The following NRXN3 variants were observed in gnomAD, a reference collection of about 807,000 sequenced individuals.
NRXN3 encodes neurexin 3.
In NRXN3, 32 loss-of-function variants were observed where a neutral mutation model predicts 137.6. The ratio of observed to expected loss-of-function variants is 0.23; its 90% CI spans 0.18 to 0.31. The LOEUF (loss-of-function observed/expected upper bound fraction) is 0.31, where lower values mean the gene tolerates loss of function less well. Among genes scored for constraint, NRXN3 ranks in the 10% least tolerant of loss-of-function variants. The probability of loss-of-function intolerance (pLI) is 1.00; values close to 1 mark genes in which losing one functional copy is unlikely to be tolerated. For synonymous variants in NRXN3, 798 were observed against 784.5 expected (o/e 1.02, Z -0.29); for missense variants, 1,574 against 2,062.5 (o/e 0.76, Z 4.59).
chr14:78,692,479 T>C (rs1259040852), intron 6 of NRXN3, among the ~76,000 whole-genome samples: 1 of 152,206 alleles, frequency 6.6e-6, no homozygotes, highest in Non-Finnish European at 1.5e-5. Context: ...TTTGCAATTA[T>C]AGGATTCCCT....
Position 79,143,520 on chromosome 14 carries a change from T to TC in NRXN3, c.3262+155380dup, listed in dbSNP as rs144371300. ...AGGCTAAGGTTCTGACATGGTACCT[T>TC]CTTAAATCAAGCTTGAAGGGAAATT... On this transcript the variant is annotated intron_variant, in intron 15 of 20. Coordinates refer to ENST00000335750, the MANE Select transcript of NRXN3 (RefSeq NM_001330195.2). Among the ~76,000 whole-genome samples, 50 of 152,360 alleles carry TC rather than the reference T, an allele frequency of 3.3e-4. No individual in the cohort carries two copies. The East Asian group carries it at 5.4e-3, about 16-fold the overall frequency.
At chr14:78,217,701 G>A (rs938599144) in intron 1 of NRXN3, among the ~76,000 whole-genome samples, 18 of 152,212 alleles carry the variant, frequency 1.2e-4, no homozygotes, top group South Asian at 6.2e-4. Context: ...TTGCTCTGTC[G>A]CCTGGGCTGG....
At chr14:78,788,435 G>T (rs1484082523) in intron 8 of NRXN3, among the ~76,000 whole-genome samples, 4 of 152,080 alleles carry the variant, frequency 2.6e-5, no homozygotes, top group African/African-American at 4.8e-5. Context: ...TATGTGGATT[G>T]CCCTGACAGC....
intron 16 of NRXN3, among the ~76,000 whole-genome samples, chr14:79,598,920 C>A (rs2097892188): frequency 6.6e-6 from 1 of 152,202 alleles, no homozygotes; most frequent in African/African-American, 2.4e-5. Flanking sequence ...GGATGGGAAG[C>A]AGTGCAGACT....
intron 8 of NRXN3, among the ~76,000 whole-genome samples, chr14:78,778,689 T>TCTTTCTTTC (rs1308672559): frequency 1.5e-5 from 2 of 135,292 alleles, no homozygotes. Flanking sequence ...TTTCTTTCTT[T>TCTTTCTTTC]CTTTCTTTCT....
intron 16 of NRXN3, among the ~76,000 whole-genome samples, chr14:79,537,307 A>G (rs1192521590): frequency 6.7e-6 from 1 of 149,920 alleles, no homozygotes; most frequent in Admixed American, 6.6e-5. Flanking sequence ...TTTTTTTATT[A>G]TACTTTAAGC....
Position 79,507,736 on chromosome 14 carries a change from A to T in NRXN3, c.3444+40334A>T, listed in dbSNP as rs560805777. 8.5e-5 allele frequency among the ~76,000 whole-genome samples: 13 copies of T among 152,260 alleles called. No individual in the cohort carries two copies. In the South Asian group the frequency reaches 2.5e-3, roughly 29 times the overall value. ...ACCCCAAGGGCACTCTGCATCGTTGAATTTATAGATGAGATCTTTCTTTTG... is the reference window on the plus strand; with the variant it reads ...ACCCCAAGGGCACTCTGCATCGTTGTATTTATAGATGAGATCTTTCTTTTG... On this transcript the variant is annotated intron_variant, in intron 16 of 20. Coordinates refer to ENST00000335750, the MANE Select transcript of NRXN3 (RefSeq NM_001330195.2).
At chr14:78,844,721 G>A (rs1036156889) in intron 10 of NRXN3, among the ~76,000 whole-genome samples, 1 of 152,006 alleles carries the variant, frequency 6.6e-6, no homozygotes, top group Non-Finnish European at 1.5e-5. Context: ...CCTATACTTA[G>A]TTAAGAATTT....
chr14:79,689,132 C>A (rs967736797), intron 17 of NRXN3, among the ~76,000 whole-genome samples: 1 of 151,992 alleles, frequency 6.6e-6, no homozygotes, highest in African/African-American at 2.4e-5. Flanking sequence ...TAGGGCCATT[C>A]TTTCTTGAGT....
intron 15 of NRXN3, among the ~76,000 whole-genome samples, chr14:79,227,894 A>C (rs2071361944): frequency 6.7e-6 from 1 of 148,796 alleles, no homozygotes; most frequent in Admixed American, 6.8e-5. Flanking sequence ...CTAATGTCTC[A>C]AATGGTAAGT....
intron 4 of NRXN3, among the ~76,000 whole-genome samples, chr14:78,516,060 C>A (rs1174465857): frequency 6.6e-6 from 1 of 152,046 alleles, no homozygotes; most frequent in African/African-American, 2.4e-5. Flanking sequence ...TTAGTCCAGG[C>A]CCCACTCCAT....
chr14:79,316,087 G>A (rs192513544), intron 15 of NRXN3, among the ~76,000 whole-genome samples: 17 of 152,254 alleles, frequency 1.1e-4, no homozygotes, highest in South Asian at 2.1e-4. Flanking sequence ...CTCCCGAATC[G>A]CGAGGAAGGT....
chr14:78,948,202 G>C (rs2099372142), intron 10 of NRXN3, among the ~76,000 whole-genome samples: 1 of 152,228 alleles, frequency 6.6e-6, no homozygotes, highest in Non-Finnish European at 1.5e-5. Flanking sequence ...AGTGTCCACT[G>C]TCAAGATTCC....
chr14:78,493,480 G>A (rs963159013), intron 4 of NRXN3, among the ~76,000 whole-genome samples: 7 of 151,360 alleles, frequency 4.6e-5, no homozygotes, highest in East Asian at 3.9e-4. Context: ...CCAAGATCGC[G>A]CCTTTGCACT....
chr14:79,562,971 G>C (rs533568159), intron 16 of NRXN3, among the ~76,000 whole-genome samples: 6 of 151,994 alleles, frequency 3.9e-5, no homozygotes, highest in African/African-American at 7.2e-5. Context: ...AAGATCTATG[G>C]TAATCCACAA....
chr14:78,777,408 A>G lies in NRXN3; in HGVS notation c.2045-26212A>G, dbSNP rs75349209. 7.8e-3 allele frequency among the ~76,000 whole-genome samples: 1,194 copies of G among 152,264 alleles called. 18 individuals are homozygous for G. The highest frequency in any genetic ancestry group is 0.027 in the African/African-American group (1,134 of 41,550). On this transcript the variant is annotated intron_variant, in intron 8 of 20. Transcript: ENST00000335750. ...CGCATGCTGAGTGACTTGTCAGTCT[A>G]TATTCCCATGTGGTGGGTCCATCTT...
At chr14:78,576,382 A>C (rs970706537) in intron 4 of NRXN3, among the ~76,000 whole-genome samples, 2 of 152,190 alleles carry the variant, frequency 1.3e-5, no homozygotes, top group African/African-American at 4.8e-5. Context: ...GCCATACTTT[A>C]AAAAATATTT....
chr14:79,652,536 C>T (rs777345647), intron 16 of NRXN3, among the ~76,000 whole-genome samples: 4 of 152,092 alleles, frequency 2.6e-5, no homozygotes, highest in Non-Finnish European at 4.4e-5. Context: ...TCACTTTATA[C>T]TTTGGTAGGG....
chr14:79,278,498 G>A (rs1004350408), intron 15 of NRXN3, among the ~76,000 whole-genome samples: 2 of 152,214 alleles, frequency 1.3e-5, no homozygotes, highest in Admixed American at 6.5e-5. Context: ...ACACCGTGCT[G>A]TCTTTGATGC....
Sources: allele counts gnomAD v4.1 joint callset (sites outside exome capture counted in the v4.1 genomes callset), GRCh38; gene constraint gnomAD v4.1.1; transcripts MANE v1.5; gene names NCBI Gene and HGNC (gene_info 2026-07-23, HGNC 2026-07-21).